The following BLTP3B variants were observed in gnomAD, a reference collection of about 807,000 sequenced individuals.
BLTP3B encodes the protein bridge-like lipid transfer protein family member 3B, also known as UHRF1 (ICBP90) binding protein 1-like.
At chr12:100,083,171 A>T in the BLTP3B span, 1 of 1,473,210 alleles carries the variant, frequency 6.8e-7, no homozygotes, top group Non-Finnish European at 9.5e-7. Context: ...TTCATTGCAA[A>T]ATTATTTTTA....
chr12:100,124,936 TTATATATATATA>T, the BLTP3B span, among the ~76,000 whole-genome samples: 1,788 of 56,510 alleles, frequency 0.032, 76 homozygotes, highest in South Asian at 0.044. Flanking sequence ...AAAAAAAATT[TTATATATATATA>T]TATATATATA....
the BLTP3B span, among the ~76,000 whole-genome samples, chr12:100,052,793 T>TTG: frequency 6.9e-6 from 1 of 144,208 alleles, no homozygotes; most frequent in African/African-American, 2.7e-5. Context: ...CTTTTCTGTT[T>TTG]TTTTTTTTTT....
At chr12:100,128,782 A>T in the BLTP3B span, 3 of 1,219,574 alleles carry the variant, frequency 2.5e-6, no homozygotes, top group Non-Finnish European at 3.2e-6. Flanking sequence ...GGGAAGGAAG[A>T]GGAAAGGAAT....
the BLTP3B span, among the ~76,000 whole-genome samples, chr12:100,089,395 C>T: frequency 6.6e-6 from 1 of 151,972 alleles, no homozygotes; most frequent in African/African-American, 2.4e-5. Context: ...CCCATTTCTA[C>T]TAAAAATATA....
At chr12:100,111,395 G>A in the BLTP3B span, among the ~76,000 whole-genome samples, 4 of 150,042 alleles carry the variant, frequency 2.7e-5, no homozygotes, top group Non-Finnish European at 5.9e-5. Flanking sequence ...CTGGACTCAG[G>A]TGATCCCACC....
the BLTP3B span, among the ~76,000 whole-genome samples, chr12:100,086,042 T>C: frequency 4.7e-4 from 72 of 152,212 alleles, no homozygotes; most frequent in African/African-American, 1.5e-3. Context: ...TGGAAAACTG[T>C]CAATTTCTAA....
the BLTP3B span, among the ~76,000 whole-genome samples, chr12:100,133,603 C>T: frequency 6.6e-6 from 1 of 152,226 alleles, no homozygotes. Flanking sequence ...CCATTCAACA[C>T]TATCTGTGAG....
At chr12:100,084,418 ACAC>A in the BLTP3B span, 1 of 1,301,760 alleles carries the variant, frequency 7.7e-7, no homozygotes, top group East Asian at 2.3e-5. Context: ...ACACACACAC[ACAC>A]ACACAGAGTG....
the BLTP3B span, among the ~76,000 whole-genome samples, chr12:100,065,504 T>A: frequency 6.6e-6 from 1 of 152,114 alleles, no homozygotes; most frequent in African/African-American, 2.4e-5. Flanking sequence ...GGGAAAGGAA[T>A]TGCATTCCTG....
chr12:100,050,221 G>A, the BLTP3B span: 2 of 1,608,280 alleles, frequency 1.2e-6, no homozygotes, highest in Non-Finnish European at 8.5e-7. Flanking sequence ...TAATTGGTCT[G>A]GTGTCACCTG....
the BLTP3B span, among the ~76,000 whole-genome samples, chr12:100,128,236 A>C: frequency 6.6e-6 from 1 of 152,228 alleles, no homozygotes; most frequent in Non-Finnish European, 1.5e-5. Flanking sequence ...CCATTCATTT[A>C]AAAGTAGATC....
the BLTP3B span, chr12:100,089,071 G>A: frequency 6.2e-7 from 1 of 1,606,822 alleles, no homozygotes; most frequent in Non-Finnish European, 8.5e-7. Context: ...TTCACTTGCT[G>A]GGCAGATGCG....
chr12:100,042,904 A>G, the BLTP3B span, among the ~76,000 whole-genome samples: 1 of 152,168 alleles, frequency 6.6e-6, no homozygotes, highest in African/African-American at 2.4e-5. Flanking sequence ...GATTCAAGCA[A>G]TTCTCCTGCC....
chr12:100,128,685 A>T, the BLTP3B span: 2 of 1,288,748 alleles, frequency 1.6e-6, no homozygotes, highest in Non-Finnish European at 2.0e-6. Context: ...TGATTATGCA[A>T]TTCACAGCAC....
chr12:100,037,732 A>C, the BLTP3B span: 1 of 1,605,964 alleles, frequency 6.2e-7, no homozygotes, highest in East Asian at 2.2e-5. Flanking sequence ...GTTCCTGTTT[A>C]AGAGATTCAT....
the BLTP3B span, among the ~76,000 whole-genome samples, chr12:100,064,699 G>A: frequency 1.3e-5 from 2 of 151,856 alleles, no homozygotes; most frequent in South Asian, 2.1e-4. Context: ...AGCTTCACAT[G>A]TCAAGTAAAG....
chr12:100,092,409 A>G, the BLTP3B span, among the ~76,000 whole-genome samples: 31 of 152,232 alleles, frequency 2.0e-4, no homozygotes, highest in Admixed American at 1.0e-3. Context: ...AATAGCTACA[A>G]AGACTAAAGA....
chr12:100,066,046 A>G, the BLTP3B span, among the ~76,000 whole-genome samples: 1 of 152,160 alleles, frequency 6.6e-6, no homozygotes, highest in South Asian at 2.1e-4. Flanking sequence ...ATTGGCCGAC[A>G]CTTAGGGAAA....
chr12:100,083,892 A>G, the BLTP3B span, among the ~76,000 whole-genome samples: 8 of 152,212 alleles, frequency 5.3e-5, no homozygotes, highest in Non-Finnish European at 1.2e-4. Flanking sequence ...ACATTAATTA[A>G]AAATACTTGG....
Sources: gnomAD v4.1 joint callset for allele counts (sites outside exome capture counted in the v4.1 genomes callset) on GRCh38, gnomAD v4.1.1 for gene constraint, MANE v1.5 for transcripts, NCBI Gene and HGNC (gene_info 2026-07-23, HGNC 2026-07-21) for gene names.